Variants in POFUT3 observed in about 807,000 individuals in gnomAD.
The protein encoded by POFUT3 is GDP-fucose protein O-fucosyltransferase 3.
chr8:33,464,823 C>T, the POFUT3 span, among the ~76,000 whole-genome samples: 1 of 152,086 alleles, frequency 6.6e-6, no homozygotes, highest in African/African-American at 2.4e-5. Flanking sequence ...TATAAAATTA[C>T]CACCAGACAA....
the POFUT3 span, among the ~76,000 whole-genome samples, chr8:33,464,684 G>A: frequency 6.6e-6 from 1 of 152,160 alleles, no homozygotes; most frequent in Admixed American, 6.5e-5. Context: ...GGAGGCTGAG[G>A]CAGGAGGATT....
the POFUT3 span, chr8:33,372,533 C>A: frequency 6.3e-7 from 1 of 1,576,428 alleles, no homozygotes; most frequent in Non-Finnish European, 8.6e-7. Context: ...AGAAAATAAA[C>A]CTCAAGAAGG....
the POFUT3 span, among the ~76,000 whole-genome samples, chr8:33,314,255 G>C: frequency 6.6e-6 from 1 of 152,146 alleles, no homozygotes; most frequent in African/African-American, 2.4e-5. Context: ...CTCCAACTGA[G>C]GGTGAAAAGA....
chr8:33,320,967 C>T, the POFUT3 span, among the ~76,000 whole-genome samples: 1 of 152,038 alleles, frequency 6.6e-6, no homozygotes, highest in Admixed American at 6.6e-5. Context: ...AGGCCTGGCT[C>T]ATTGGAACGC....
chr8:33,409,732 C>T, the POFUT3 span, among the ~76,000 whole-genome samples: 20 of 152,110 alleles, frequency 1.3e-4, no homozygotes, highest in Non-Finnish European at 2.6e-4. Context: ...GGTGAAACCC[C>T]GTCTCTACTA....
the POFUT3 span, among the ~76,000 whole-genome samples, chr8:33,408,117 A>G: frequency 6.6e-6 from 1 of 151,948 alleles, no homozygotes; most frequent in African/African-American, 2.4e-5. Context: ...TGAGGTCAGG[A>G]GTTTGAGACC....
At chr8:33,466,262 T>A in the POFUT3 span, among the ~76,000 whole-genome samples, 83 of 151,596 alleles carry the variant, frequency 5.5e-4, no homozygotes, top group Non-Finnish European at 6.9e-4. Flanking sequence ...ACAAAAAAAA[T>A]TTTTTTTAAT....
the POFUT3 span, among the ~76,000 whole-genome samples, chr8:33,406,235 A>G: frequency 2.0e-5 from 3 of 148,942 alleles, no homozygotes; most frequent in African/African-American, 7.6e-5. Context: ...TTCTAACATG[A>G]AAAAAAAAAT....
At chr8:33,342,383 C>T in the POFUT3 span, among the ~76,000 whole-genome samples, 1 of 151,260 alleles carries the variant, frequency 6.6e-6, no homozygotes. Context: ...ACTGACAAAT[C>T]TGTAGCAAGA....
chr8:33,327,214 G>A, the POFUT3 span, among the ~76,000 whole-genome samples: 1 of 152,056 alleles, frequency 6.6e-6, no homozygotes, highest in African/African-American at 2.4e-5. Context: ...GAGCTTCTTT[G>A]GGATAGAATG....
the POFUT3 span, among the ~76,000 whole-genome samples, chr8:33,398,458 C>T: frequency 6.6e-6 from 1 of 152,168 alleles, no homozygotes; most frequent in Admixed American, 6.5e-5. Flanking sequence ...TCTCCTAATA[C>T]ATCAAAACAA....
chr8:33,361,689 A>C, the POFUT3 span, among the ~76,000 whole-genome samples: 3 of 152,212 alleles, frequency 2.0e-5, no homozygotes, highest in Non-Finnish European at 4.4e-5. Flanking sequence ...GCACATAGTA[A>C]ATGCTCAATA....
chr8:33,321,745 T>C, the POFUT3 span, among the ~76,000 whole-genome samples: 1 of 152,122 alleles, frequency 6.6e-6, no homozygotes, highest in East Asian at 1.9e-4. Flanking sequence ...AAGTATTCCT[T>C]ATTGCCTACC....
chr8:33,453,376 C>T, the POFUT3 span: 1 of 1,614,160 alleles, frequency 6.2e-7, no homozygotes, highest in Non-Finnish European at 8.5e-7. Flanking sequence ...ATTTTCTTTT[C>T]CTGTTGAAGG....
the POFUT3 span, among the ~76,000 whole-genome samples, chr8:33,466,997 T>C: frequency 0.68 from 103,125 of 151,786 alleles, 35,772 homozygotes; most frequent in African/African-American, 0.82. Context: ...CCCAGCTACT[T>C]GGGAGGCTGA....
the POFUT3 span, among the ~76,000 whole-genome samples, chr8:33,349,829 T>C: frequency 2.0e-5 from 3 of 152,248 alleles, no homozygotes; most frequent in Non-Finnish European, 4.4e-5. Flanking sequence ...AAATGGTAGA[T>C]CTACTTTCAG....
At chr8:33,349,188 G>A in the POFUT3 span, among the ~76,000 whole-genome samples, 2 of 152,172 alleles carry the variant, frequency 1.3e-5, no homozygotes, top group Non-Finnish European at 2.9e-5. Context: ...TCAAGCCAGA[G>A]GCCACAGACA....
At chr8:33,465,429 T>TAGAG in the POFUT3 span, among the ~76,000 whole-genome samples, 8 of 147,044 alleles carry the variant, frequency 5.4e-5, no homozygotes, top group East Asian at 1.6e-3. Flanking sequence ...CATATATATA[T>TAGAG]AGAGAGAGAG....
the POFUT3 span, among the ~76,000 whole-genome samples, chr8:33,310,982 C>T: frequency 6.6e-6 from 1 of 152,148 alleles, no homozygotes. Flanking sequence ...GCTATTTTTC[C>T]CTCCCTGCTC....
Sources: gnomAD v4.1 joint callset for allele counts (sites outside exome capture counted in the v4.1 genomes callset) on GRCh38, gnomAD v4.1.1 for gene constraint, MANE v1.5 for transcripts, NCBI Gene and HGNC (gene_info 2026-07-23, HGNC 2026-07-21) for gene names.